XKR9: variants seen among roughly 807,000 people sequenced by gnomAD.
The protein encoded by XKR9 is XK related 9.
XKR9 carries 32 observed loss-of-function variants against 32.0 expected under a neutral mutation model. That is an observed-to-expected ratio of 1.00 (90% CI 0.76 to 1.34). The LOEUF (loss-of-function observed/expected upper bound fraction) is 1.34, where lower values mean the gene tolerates loss of function less well. XKR9 is among the 40% of genes most tolerant of loss of function. XKR9 has a pLI of 0.00. For synonymous variants in XKR9, 168 were observed against 143.4 expected, an observed-to-expected ratio of 1.17 and a Z score of -1.22; for missense variants, 546 against 429.7, an observed-to-expected ratio of 1.27 and a Z score of -2.39.
chr8:70,848,411 T>A, the XKR9 span, among the ~76,000 whole-genome samples: 1 of 151,834 alleles, frequency 6.6e-6, no homozygotes, highest in African/African-American at 2.4e-5. Flanking sequence ...GACACCACTT[T>A]CATTTAACAT....
Position 70,711,764 on chromosome 8 carries a change from C to G in XKR9, c.493+4611C>G. 2.5e-5 allele frequency among the ~76,000 whole-genome samples: 2 copies of G among 78,786 alleles called. 1 individual carries two copies. The highest frequency in any genetic ancestry group is 6.4e-5 in the Non-Finnish European group (2 of 31,170). 51.7% of individuals were successfully genotyped at this position (78,786 alleles called of 152,430 possible). On this transcript the variant is annotated intron_variant, in intron 4 of 4. Transcript: ENST00000408926. ...CCATGTAAAAAACCTGCACACGTAC[C>G]CCTTGAAACTTAAAAGTTGGAAGAA...
At chr8:70,739,168 T>G (rs1050256919), downstream of XKR9, among the ~76,000 whole-genome samples, 35 of 152,232 alleles carry the variant, frequency 2.3e-4, no homozygotes, top group African/African-American at 8.2e-4. Context: ...TGGGTGTATA[T>G]ATATTTAGGA....
chr8:70,758,263 G>A (rs565188099), intron 2 of XKR9, among the ~76,000 whole-genome samples: 2 of 151,362 alleles, frequency 1.3e-5, no homozygotes, highest in South Asian at 4.2e-4. Flanking sequence ...TGGGATGACG[G>A]CAGCACCAGT....
chr8:70,983,471 T>C, the XKR9 span, among the ~76,000 whole-genome samples: 1 of 152,212 alleles, frequency 6.6e-6, no homozygotes, highest in Non-Finnish European at 1.5e-5. Flanking sequence ...CAGCACATAG[T>C]GTTTTGCCCA....
At chr8:70,717,922 A>G (rs1276313641) in intron 4 of XKR9, among the ~76,000 whole-genome samples, 1 of 152,150 alleles carries the variant, frequency 6.6e-6, no homozygotes, top group Non-Finnish European at 1.5e-5. Context: ...TCTCAAGTTC[A>G]AAGTCCCACA....
chr8:70,854,002 CT>C, the XKR9 span, among the ~76,000 whole-genome samples: 1 of 151,316 alleles, frequency 6.6e-6, no homozygotes, highest in African/African-American at 2.4e-5. Flanking sequence ...GTGCATGTAT[CT>C]TTATAGCAGC....
the XKR9 span, among the ~76,000 whole-genome samples, chr8:71,027,778 G>GC: frequency 1.2e-5 from 1 of 82,196 alleles, no homozygotes; most frequent in Non-Finnish European, 2.9e-5. Context: ...CTTTTTTTTG[G>GC]CGGGGGGGGG....
chr8:70,829,550 G>A, the XKR9 span, among the ~76,000 whole-genome samples: 1 of 152,150 alleles, frequency 6.6e-6, no homozygotes, highest in Non-Finnish European at 1.5e-5. Context: ...CCGGGTTCAC[G>A]CCATTCTCCT....
chr8:70,904,389 T>C, the XKR9 span, among the ~76,000 whole-genome samples: 1 of 152,330 alleles, frequency 6.6e-6, no homozygotes, highest in Non-Finnish European at 1.5e-5. Flanking sequence ...TTTGTCTCTT[T>C]TGATCTTTGT....
intron 2 of XKR9, chr8:70,789,322 A>C (rs886451822): frequency 1.3e-5 from 2 of 152,120 alleles, no homozygotes; most frequent in Non-Finnish European, 2.9e-5. Context: ...GGTTTACCTA[A>C]ATCTTCATAC....
intron 4 of XKR9, among the ~76,000 whole-genome samples, chr8:70,725,517 A>G (rs1806434125): frequency 6.6e-6 from 1 of 152,118 alleles, no homozygotes; most frequent in African/African-American, 2.4e-5. Context: ...GTTACAATTG[A>G]GGGGTGAGGA....
At chr8:70,784,785 A>G (rs1278419310) in intron 2 of XKR9, among the ~76,000 whole-genome samples, 1 of 152,160 alleles carries the variant, frequency 6.6e-6, no homozygotes, top group African/African-American at 2.4e-5. Flanking sequence ...CAGATCTTAG[A>G]GGAAATGCTT....
At chr8:70,710,970 AC>A (rs1308496341) in intron 4 of XKR9, among the ~76,000 whole-genome samples, 2 of 152,204 alleles carry the variant, frequency 1.3e-5, no homozygotes, top group Non-Finnish European at 2.9e-5. Flanking sequence ...TGGACAAAGG[AC>A]ATGAACAGAC....
the XKR9 span, among the ~76,000 whole-genome samples, chr8:70,896,605 C>T: frequency 2.7e-5 from 4 of 150,888 alleles, no homozygotes; most frequent in Admixed American, 6.6e-5. Flanking sequence ...TTTAATCTTT[C>T]AAAGAACCAG....
chr8:70,798,719 T>C, the XKR9 span, among the ~76,000 whole-genome samples: 1 of 152,216 alleles, frequency 6.6e-6, no homozygotes, highest in Non-Finnish European at 1.5e-5. Context: ...TGAGTTAATT[T>C]TTGTACATGG....
intron 4 of XKR9, among the ~76,000 whole-genome samples, chr8:70,715,807 G>A (rs1806068455): frequency 6.6e-6 from 1 of 152,054 alleles, no homozygotes; most frequent in African/African-American, 2.4e-5. Context: ...GTAAGTTTAA[G>A]GTTTCAATGG....
At chr8:70,926,601 A>C in the XKR9 span, among the ~76,000 whole-genome samples, 1 of 152,230 alleles carries the variant, frequency 6.6e-6, no homozygotes, top group Admixed American at 6.5e-5. Context: ...AAGAGGGCCC[A>C]GAGTGTGACA....
chr8:70,985,028 A>C, the XKR9 span, among the ~76,000 whole-genome samples: 3 of 152,224 alleles, frequency 2.0e-5, no homozygotes, highest in African/African-American at 7.2e-5. Flanking sequence ...ACTAATAATA[A>C]ATTAAATGAG....
intron 3 of XKR9, among the ~76,000 whole-genome samples, chr8:70,696,045 T>A (rs1805262890): frequency 6.6e-6 from 1 of 151,772 alleles, no homozygotes; most frequent in East Asian, 1.9e-4. Flanking sequence ...TTTTTTCTTG[T>A]AAATTTGTTT....
Sources: allele counts gnomAD v4.1 joint callset (sites outside exome capture counted in the v4.1 genomes callset), GRCh38; gene constraint gnomAD v4.1.1; transcripts MANE v1.5; gene names NCBI Gene and HGNC (gene_info 2026-07-23, HGNC 2026-07-21).